Variants in CELF4 observed in about 807,000 individuals in gnomAD.
CELF4 encodes CUG-BP- and ETR-3-like factor 4.
CELF4 carries 18 observed loss-of-function variants against 59.9 expected under a neutral mutation model. The observed-to-expected ratio is 0.30, with a 90% CI of 0.21 to 0.45. The LOEUF is 0.45. Ranked by LOEUF, CELF4 falls within the 20% of genes least tolerant of loss-of-function variation. CELF4 has a pLI of 1.00. For missense variants in CELF4, 456 were observed against 689.0 expected, an observed-to-expected ratio of 0.66 and a Z score of 3.79; for synonymous variants, 261 against 267.1, an observed-to-expected ratio of 0.98 and a Z score of 0.22.
At chr18:37,278,608 C>G (rs1468088780) in intron 3 of CELF4, among the ~76,000 whole-genome samples, 9 of 152,212 alleles carry the variant, frequency 5.9e-5, no homozygotes, top group Non-Finnish European at 1.3e-4. Flanking sequence ...CAGCGCCTGC[C>G]AAGAGGTAAT....
intron 3 of CELF4, among the ~76,000 whole-genome samples, chr18:37,277,279 C>T (rs146172488): frequency 0.019 from 2,879 of 152,342 alleles, 47 homozygotes; most frequent in Non-Finnish European, 0.024. Context: ...CCAGCTGGCC[C>T]TCCAACAGGG....
At chr18:37,337,150 C>A (rs972051014) in intron 2 of CELF4, among the ~76,000 whole-genome samples, 1 of 152,140 alleles carries the variant, frequency 6.6e-6, no homozygotes, top group Non-Finnish European at 1.5e-5. Flanking sequence ...CAGAAACAGG[C>A]CTGCGGTGGC....
chr18:37,537,621 C>T (rs1327802404), intron 1 of CELF4, among the ~76,000 whole-genome samples: 1 of 152,200 alleles, frequency 6.6e-6, no homozygotes, highest in African/African-American at 2.4e-5. Context: ...GTGAGCCTGA[C>T]AGGGGCTGTT....
chr18:37,437,128 G>T (rs1455949763), intron 2 of CELF4, among the ~76,000 whole-genome samples: 1 of 152,172 alleles, frequency 6.6e-6, no homozygotes, highest in African/African-American at 2.4e-5. Flanking sequence ...CCCAGTGGGT[G>T]GCAGGTGGCT....
chr18:37,315,875 C>G (rs1273634818), intron 3 of CELF4, among the ~76,000 whole-genome samples: 1 of 152,186 alleles, frequency 6.6e-6, no homozygotes, highest in African/African-American at 2.4e-5. Context: ...TCCGTTCAGC[C>G]CAGGAGCTTT....
At chr18:37,335,025 C>G (rs574032137) in intron 2 of CELF4, among the ~76,000 whole-genome samples, 12 of 151,374 alleles carry the variant, frequency 7.9e-5, no homozygotes, top group East Asian at 1.9e-4. Context: ...TCTGCTCCCC[C>G]CTCTCTCCCT....
chr18:37,395,757 A>G (rs1170706719), intron 2 of CELF4, among the ~76,000 whole-genome samples: 2 of 152,200 alleles, frequency 1.3e-5, no homozygotes, highest in Admixed American at 6.5e-5. Flanking sequence ...GAGAACTCCA[A>G]ATAGCACACA....
At chr18:37,411,123 AT>A (rs2154592098) in intron 2 of CELF4, among the ~76,000 whole-genome samples, 1 of 151,880 alleles carries the variant, frequency 6.6e-6, no homozygotes, top group South Asian at 2.1e-4. Context: ...TGCCCGGGTA[AT>A]TTTTGTATTT....
chr18:37,437,383 G>A (rs778160639), intron 2 of CELF4, among the ~76,000 whole-genome samples: 1 of 152,322 alleles, frequency 6.6e-6, no homozygotes, highest in Admixed American at 6.5e-5. Flanking sequence ...GAGCCGGGAA[G>A]CCTTTCAGCA....
chr18:37,501,876 C>T (rs573729765), intron 1 of CELF4, among the ~76,000 whole-genome samples: 2 of 152,330 alleles, frequency 1.3e-5, no homozygotes, highest in East Asian at 3.9e-4. Flanking sequence ...TTCCTCTCTC[C>T]TTCCATTCCT....
chr18:37,310,557 G>A (rs3852843), intron 3 of CELF4, among the ~76,000 whole-genome samples: 68,558 of 151,902 alleles, frequency 0.45, 15,707 homozygotes, highest in South Asian at 0.57. Context: ...GAGCTCTTCC[G>A]TGCTCAGATC....
At chr18:37,359,250 G>A (rs985634239) in intron 2 of CELF4, among the ~76,000 whole-genome samples, 1 of 152,238 alleles carries the variant, frequency 6.6e-6, no homozygotes, top group African/African-American at 2.4e-5. Context: ...GGATCTCAGA[G>A]GTGCCAAAGA....
intron 1 of CELF4, among the ~76,000 whole-genome samples, chr18:37,553,032 CCGGG>C (rs1262552227): frequency 2.0e-5 from 3 of 152,264 alleles, no homozygotes; most frequent in Non-Finnish European, 4.4e-5. Context: ...AACTCAGCTG[CCGGG>C]TCCCAGGCTT....
intron 2 of CELF4, among the ~76,000 whole-genome samples, chr18:37,468,475 C>T (rs1355878093): frequency 2.0e-5 from 3 of 152,024 alleles, no homozygotes; most frequent in East Asian, 3.9e-4. Context: ...CTCTACCTGC[C>T]TCCCAAGATT....
chr18:37,264,985 T>C (rs1462301345), intron 9 of CELF4, among the ~76,000 whole-genome samples: 1 of 150,312 alleles, frequency 6.7e-6, no homozygotes, highest in Non-Finnish European at 1.5e-5. Context: ...TGTGCGTGTG[T>C]GTACATTACA....
chr18:37,308,394 G>C (rs993458818), intron 3 of CELF4, among the ~76,000 whole-genome samples: 3 of 152,156 alleles, frequency 2.0e-5, no homozygotes, highest in Non-Finnish European at 2.9e-5. Flanking sequence ...TTTTCAGCCT[G>C]GAACCCCCTG....
chr18:37,438,504 C>T (rs2099700863), intron 2 of CELF4, among the ~76,000 whole-genome samples: 1 of 152,118 alleles, frequency 6.6e-6, no homozygotes, highest in South Asian at 2.1e-4. Flanking sequence ...GGGGCTGGCA[C>T]CCTACCTCTC....
intron 3 of CELF4, among the ~76,000 whole-genome samples, chr18:37,293,898 C>A (rs2095490846): frequency 8.7e-6 from 1 of 115,368 alleles, no homozygotes; most frequent in Middle Eastern, 4.4e-3. Flanking sequence ...ATCTCTTTAC[C>A]ACATCAAACA....
At chr18:37,550,835 T>C (rs2099982974) in intron 1 of CELF4, among the ~76,000 whole-genome samples, 1 of 152,178 alleles carries the variant, frequency 6.6e-6, no homozygotes, top group South Asian at 2.1e-4. Flanking sequence ...AGACGTTTCT[T>C]TGGGTTAAGG....
Sources: gnomAD v4.1 joint callset for allele counts (sites outside exome capture counted in the v4.1 genomes callset) on GRCh38, gnomAD v4.1.1 for gene constraint, MANE v1.5 for transcripts, NCBI Gene and HGNC (gene_info 2026-07-23, HGNC 2026-07-21) for gene names.